The following FRMD4A variants were observed in gnomAD, a reference collection of about 807,000 sequenced individuals.
The protein encoded by FRMD4A is FERM domain containing 4A, also known as FERM domain-containing protein 4A.
Under a neutral mutation model 129.1 loss-of-function variants are expected in FRMD4A, and 29 were observed. That is an observed-to-expected ratio of 0.22 (90% CI 0.17 to 0.31). The LOEUF (loss-of-function observed/expected upper bound fraction) is 0.31, where lower values mean the gene tolerates loss of function less well. FRMD4A is among the 10% of genes least tolerant of loss of function. The probability of loss-of-function intolerance (pLI) is 1.00; values close to 1 mark genes in which losing one functional copy is unlikely to be tolerated. For missense variants in FRMD4A, 1,272 were observed against 1,375.8 expected, an observed-to-expected ratio of 0.92 and a Z score of 1.19; for synonymous variants, 634 against 571.6, an observed-to-expected ratio of 1.11 and a Z score of -1.56.
chr10:13,853,528 C>T (rs550670932), intron 3 of FRMD4A, among the ~76,000 whole-genome samples: 14 of 151,504 alleles, frequency 9.2e-5, no homozygotes, highest in African/African-American at 3.4e-4. Context: ...TAGAGCGAGA[C>T]CCTGCCTGAA....
chr10:14,016,182 G>C lies in FRMD4A; in HGVS notation c.46-157270C>G, dbSNP rs538334549. Among the ~76,000 whole-genome samples, 9 of 152,302 alleles carry C rather than the reference G, an allele frequency of 5.9e-5. No homozygotes were observed. In the South Asian group the frequency reaches 1.9e-3, roughly 32 times the overall value. On this transcript the variant is annotated intron_variant, in intron 2 of 24. Coordinates refer to ENST00000357447, the MANE Select transcript of FRMD4A (RefSeq NM_018027.5). ...TAGACCTGGCCCTCTTCCAGGGCAG[G>C]GAGGAAAACGCAGCCTGTGCTGCAT...
In FRMD4A at chr10:14,330,080, T is replaced by C. The variant is rs1384026175; in HGVS notation, c.23A>G (p.Asp8Gly). The change falls in exon 2 of 25, where the codon GAC (aspartate) becomes GGC (glycine). Residue 8 changes from aspartate (D) to glycine (G), a missense_variant. Transcript: ENST00000357447. The part of the protein sequence containing the change: MAVQLVP[D>G]SALGLLMMTE... ...CACCATCAGCAGGCCGAGAGCTGAG[T>C]CGGGCACCAGCTGCACTGCCATGGT... is the stretch of plus-strand genomic sequence containing the variant. 1 of 1,553,318 alleles carries C rather than the reference T, an allele frequency of 6.4e-7. No homozygotes were observed. The highest frequency in any genetic ancestry group is 1.9e-5 in the Admixed American group (1 of 51,438).
At chr10:14,317,884 C>A (rs909429453) in intron 2 of FRMD4A, among the ~76,000 whole-genome samples, 1 of 151,816 alleles carries the variant, frequency 6.6e-6, no homozygotes, top group Non-Finnish European at 1.5e-5. Context: ...TGTCTAGATA[C>A]AGAGTCTGAG....
intron 2 of FRMD4A, among the ~76,000 whole-genome samples, chr10:13,944,580 C>A (rs184608410): frequency 6.6e-6 from 1 of 152,132 alleles, no homozygotes; most frequent in Non-Finnish European, 1.5e-5. Flanking sequence ...ATCAGGTCCC[C>A]GGTGCCAAAA....
intron 2 of FRMD4A, among the ~76,000 whole-genome samples, chr10:14,176,510 T>C (rs1189301054): frequency 6.3e-5 from 9 of 142,884 alleles, no homozygotes; most frequent in African/African-American, 2.4e-4. Context: ...AGTCTCCCTC[T>C]GTTGGCCAGG....
intron 14 of FRMD4A, among the ~76,000 whole-genome samples, chr10:13,694,878 C>T (rs2086068258): frequency 6.6e-6 from 1 of 151,952 alleles, no homozygotes; most frequent in Non-Finnish European, 1.5e-5. Context: ...AATGACAGAT[C>T]TCTAGACCTG....
chr10:13,669,889 G>A (rs919381240), intron 17 of FRMD4A, among the ~76,000 whole-genome samples: 6 of 152,198 alleles, frequency 3.9e-5, no homozygotes, highest in African/African-American at 2.4e-5. Context: ...ACAAGGCCAG[G>A]GCCGCCCAAG....
At chr10:14,185,033 A>C (rs1186800931) in intron 2 of FRMD4A, among the ~76,000 whole-genome samples, 1 of 152,154 alleles carries the variant, frequency 6.6e-6, no homozygotes, top group African/African-American at 2.4e-5. Context: ...AATGCTTTGA[A>C]TCTAGGTCCC....
chr10:13,764,884 T>C (rs779205736), intron 6 of FRMD4A, among the ~76,000 whole-genome samples: 5 of 152,186 alleles, frequency 3.3e-5, no homozygotes, highest in Admixed American at 2.0e-4. Context: ...CAAGGGACTT[T>C]GCAAAACCAC....
chr10:13,956,748 T>C (rs2131347890), intron 2 of FRMD4A, among the ~76,000 whole-genome samples: 1 of 152,300 alleles, frequency 6.6e-6, no homozygotes, highest in South Asian at 2.1e-4. Flanking sequence ...AAGCAGTGAG[T>C]ACTAAGATTC....
intron 2 of FRMD4A, among the ~76,000 whole-genome samples, chr10:13,921,209 T>C (rs2095066952): frequency 6.6e-6 from 1 of 151,906 alleles, no homozygotes; most frequent in African/African-American, 2.4e-5. Context: ...GTTTTCTCTC[T>C]CTTTTTCTTT....
chr10:13,706,133 C>A (rs201116312), intron 13 of FRMD4A, among the ~76,000 whole-genome samples: 2 of 152,184 alleles, frequency 1.3e-5, no homozygotes, highest in East Asian at 3.9e-4. Context: ...AGGGCTGGAG[C>A]GTCAACAGCG....
intron 3 of FRMD4A, among the ~76,000 whole-genome samples, chr10:13,837,863 T>A (rs1242546012): frequency 1.3e-5 from 2 of 152,300 alleles, no homozygotes; most frequent in African/African-American, 2.4e-5. Flanking sequence ...ATTTCCTCAC[T>A]CTCTTCTTCC....
At chr10:13,902,505 C>T in intron 2 of FRMD4A, among the ~76,000 whole-genome samples, 1 of 98,954 alleles carries the variant, frequency 1.0e-5, no homozygotes, top group Non-Finnish European at 2.2e-5. Context: ...CAGAGATGAG[C>T]CAACTGAGCC....
chr10:14,086,844 A>G (rs896152407), intron 2 of FRMD4A, among the ~76,000 whole-genome samples: 2 of 152,194 alleles, frequency 1.3e-5, no homozygotes, highest in African/African-American at 2.4e-5. Context: ...TGGCTCTGCC[A>G]CTAACAGCAG....
At chr10:14,192,774 A>G (rs929075653) in intron 2 of FRMD4A, among the ~76,000 whole-genome samples, 6 of 152,238 alleles carry the variant, frequency 3.9e-5, no homozygotes, top group African/African-American at 1.2e-4. Flanking sequence ...AGGTTACTGA[A>G]TTCTAAAACG....
chr10:14,240,935 G>A (rs1309325342), intron 2 of FRMD4A, among the ~76,000 whole-genome samples: 3 of 151,504 alleles, frequency 2.0e-5, no homozygotes, highest in Admixed American at 6.6e-5. Context: ...AAAAAATTCC[G>A]GGCAATTTTG....
chr10:13,910,829 T>C (rs997855657), intron 2 of FRMD4A, among the ~76,000 whole-genome samples: 7 of 141,786 alleles, frequency 4.9e-5, no homozygotes, highest in Non-Finnish European at 8.9e-5. Context: ...CCCGTGCATG[T>C]ACCAGAAACC....
chr10:14,286,090 A>G (rs2132067884), intron 2 of FRMD4A, among the ~76,000 whole-genome samples: 1 of 152,324 alleles, frequency 6.6e-6, no homozygotes, highest in Non-Finnish European at 1.5e-5. Flanking sequence ...AAGATCAGAA[A>G]TTGCCCTTAC....
Sources: gnomAD v4.1 joint callset for allele counts (sites outside exome capture counted in the v4.1 genomes callset) on GRCh38, gnomAD v4.1.1 for gene constraint, MANE v1.5 for transcripts, NCBI Gene and HGNC (gene_info 2026-07-23, HGNC 2026-07-21) for gene names.